Variants in TACR1 observed in about 807,000 individuals in gnomAD.
The protein encoded by TACR1 is tachykinin receptor 1, also known as substance-P receptor.
Under a neutral mutation model 35.8 loss-of-function variants are expected in TACR1, and 25 were observed. The ratio of observed to expected loss-of-function variants is 0.70; its 90% CI spans 0.51 to 0.98. The LOEUF is 0.98. Ranked by LOEUF, TACR1 falls within the 50% of genes least tolerant of loss-of-function variation. The pLI is 0.00. For missense variants in TACR1, 478 were observed against 522.9 expected (o/e 0.91, Z 0.84); for synonymous variants, 195 against 206.7 (o/e 0.94, Z 0.48).
At chr2:75,060,514 G>A (rs904239117) in intron 2 of TACR1, among the ~76,000 whole-genome samples, 2 of 152,080 alleles carry the variant, frequency 1.3e-5, no homozygotes, top group Non-Finnish European at 2.9e-5. Flanking sequence ...CATGAGGCAG[G>A]TACTAAGATG....
At chr2:75,124,863 T>C (rs1362552892) in intron 1 of TACR1, among the ~76,000 whole-genome samples, 1 of 152,210 alleles carries the variant, frequency 6.6e-6, no homozygotes, top group African/African-American at 2.4e-5. Flanking sequence ...TCAGAAACAC[T>C]CTTTACCTTT....
intron 1 of TACR1, among the ~76,000 whole-genome samples, chr2:75,125,178 T>C (rs1043058836): frequency 2.0e-5 from 3 of 152,146 alleles, no homozygotes; most frequent in African/African-American, 7.2e-5. Flanking sequence ...TTCTTTTTTT[T>C]CTATTCTTTC....
At chr2:75,142,270 C>T (rs866900967) in intron 1 of TACR1, among the ~76,000 whole-genome samples, 5 of 152,214 alleles carry the variant, frequency 3.3e-5, no homozygotes, top group Admixed American at 1.3e-4. Context: ...TGCCAATTCT[C>T]ATGCCAGGAT....
intron 4 of TACR1, 61 bp downstream of exon 4, chr2:75,051,190 G>T: frequency 1.1e-5 from 18 of 1,609,286 alleles, no homozygotes; most frequent in Non-Finnish European, 1.4e-5. Context: ...TGGCCGCTTG[G>T]CCACTGTGTA....
chr2:75,172,965 G>T (rs1297201776), intron 1 of TACR1, among the ~76,000 whole-genome samples: 1 of 151,866 alleles, frequency 6.6e-6, no homozygotes, highest in Admixed American at 6.6e-5. Flanking sequence ...TACTGAACTG[G>T]TGCCTACCCT....
chr2:75,125,061 C>G (rs1439407039), intron 1 of TACR1, among the ~76,000 whole-genome samples: 2 of 152,248 alleles, frequency 1.3e-5, no homozygotes, highest in East Asian at 3.8e-4. Flanking sequence ...CAACTTGGCC[C>G]AGTCATCATG....
intron 1 of TACR1, among the ~76,000 whole-genome samples, chr2:75,130,020 C>T (rs759401372): frequency 2.6e-5 from 4 of 152,224 alleles, no homozygotes; most frequent in Non-Finnish European, 4.4e-5. Context: ...GTGAGGCACT[C>T]ACAGTGCAAG....
chr2:75,163,184 G>C (rs1258406710), intron 1 of TACR1, among the ~76,000 whole-genome samples: 1 of 152,190 alleles, frequency 6.6e-6, no homozygotes, highest in Non-Finnish European at 1.5e-5. Context: ...GCAGATGGTG[G>C]AGAGTCCCCA....
intron 1 of TACR1, among the ~76,000 whole-genome samples, chr2:75,169,745 T>C (rs1675230963): frequency 1.3e-5 from 2 of 152,196 alleles, no homozygotes; most frequent in South Asian, 4.1e-4. Context: ...TTTATTCTAT[T>C]GTAATTTTAT....
At chr2:75,094,122 T>A (rs1673365433) in intron 2 of TACR1, among the ~76,000 whole-genome samples, 1 of 152,188 alleles carries the variant, frequency 6.6e-6, no homozygotes, top group Non-Finnish European at 1.5e-5. Flanking sequence ...TGAAAACATA[T>A]TTGTGAGTGG....
chr2:75,069,320 CTATAT>C (rs1672830865), intron 2 of TACR1, among the ~76,000 whole-genome samples: 1 of 88,316 alleles, frequency 1.1e-5, no homozygotes, highest in Admixed American at 1.5e-4. Flanking sequence ...ATATGTATAT[CTATAT>C]CTATATATGT....
At chr2:75,050,157 C>T (rs1270896969) in intron 4 of TACR1, among the ~76,000 whole-genome samples, 2 of 152,196 alleles carry the variant, frequency 1.3e-5, no homozygotes, top group African/African-American at 4.8e-5. Context: ...TGAAGGAGGA[C>T]TCTCTGCCAA....
At chr2:75,093,987 C>T (rs1673362675) in intron 2 of TACR1, among the ~76,000 whole-genome samples, 1 of 152,022 alleles carries the variant, frequency 6.6e-6, no homozygotes, top group Admixed American at 6.6e-5. Context: ...AGAGGCAAAG[C>T]CAGGGCTAGA....
intron 1 of TACR1, among the ~76,000 whole-genome samples, chr2:75,144,305 C>T (rs968749718): frequency 1.3e-5 from 2 of 152,202 alleles, no homozygotes; most frequent in Non-Finnish European, 2.9e-5. Context: ...TGGAAGGAAT[C>T]CTTCAGCACA....
intron 2 of TACR1, among the ~76,000 whole-genome samples, chr2:75,072,613 C>G (rs1672904390): frequency 6.6e-6 from 1 of 152,218 alleles, no homozygotes; most frequent in African/African-American, 2.4e-5. Flanking sequence ...CTGGAGGGTT[C>G]TTTGGTTGAT....
At chr2:75,183,174 G>A (rs1016107600) in intron 1 of TACR1, among the ~76,000 whole-genome samples, 2 of 152,134 alleles carry the variant, frequency 1.3e-5, no homozygotes, top group Non-Finnish European at 2.9e-5. Context: ...TGCCAAACTT[G>A]ACTTGTATTA....
chr2:75,137,626 G>GT (rs1323375046), intron 1 of TACR1, among the ~76,000 whole-genome samples: 2 of 147,662 alleles, frequency 1.4e-5, no homozygotes, highest in African/African-American at 5.0e-5. Context: ...CTACTTGGAA[G>GT]GCTGAGGCAG....
intron 1 of TACR1, among the ~76,000 whole-genome samples, chr2:75,132,294 CTT>C (rs1369370431): frequency 6.6e-6 from 1 of 152,150 alleles, no homozygotes; most frequent in Admixed American, 6.5e-5. Flanking sequence ...AGTTTTATCT[CTT>C]AAATCTAACC....
At chr2:75,051,163 G>A in intron 4 of TACR1, 88 bp downstream of exon 4, 1 of 1,546,836 alleles carries the variant, frequency 6.5e-7, no homozygotes. Context: ...CTCACAGCTG[G>A]GTTTACTCAT....
Sources: gnomAD v4.1 joint callset for allele counts (sites outside exome capture counted in the v4.1 genomes callset) on GRCh38, gnomAD v4.1.1 for gene constraint, MANE v1.5 for transcripts, NCBI Gene and HGNC (gene_info 2026-07-23, HGNC 2026-07-21) for gene names.